Variants in MLF1 observed in about 807,000 individuals in gnomAD.
The protein encoded by MLF1 is myeloid leukemia factor 1.
MLF1 carries 37 observed loss-of-function variants against 38.3 expected under a neutral mutation model. The observed-to-expected ratio is 0.96, with a 90% CI of 0.74 to 1.27. The LOEUF (loss-of-function observed/expected upper bound fraction) is 1.27. MLF1 is among the 50% of genes most tolerant of loss of function. The pLI is 0.00. For missense variants in MLF1, 331 were observed against 349.2 expected (o/e 0.95, Z 0.42); for synonymous variants, 95 against 106.5 (o/e 0.89, Z 0.66).
chr3:158,601,397 G>A (rs1236957040), intron 6 of MLF1, among the ~76,000 whole-genome samples: 2 of 151,788 alleles, frequency 1.3e-5, no homozygotes, highest in East Asian at 1.9e-4. Context: ...GTGAAACCCC[G>A]TCTCTACTAA....
rs1720450101 is a variant in MLF1 at position 158,605,986 on chromosome 3, G to A, written c.*784G>A. ...CCAAGGTTAACATTCTGAAGCTGGA[G>A]AGTCCTTGGAGAAACTCTGCTCAGC... is the stretch of plus-strand genomic sequence containing the variant. On this transcript the variant is annotated 3_prime_UTR_variant, in exon 8 of 8. Transcript: ENST00000466246. The A allele has an allele frequency of 5.4e-6, 1 of 183,574 alleles. No homozygotes were observed. Among genetic ancestry groups the A allele is most frequent in the Non-Finnish European group, 1.2e-5 (1 of 86,416 alleles). 11.4% of individuals were successfully genotyped at this position (183,574 alleles called of 1,614,324 possible). A position where few individuals can be genotyped will look rare whatever the true frequency, so the allele number is the denominator to read the frequency against.
chr3:158,593,247 CAG>C (rs1235288581), intron 2 of MLF1, 133 bp from the exon 3 acceptor site: 5 of 604,818 alleles, frequency 8.3e-6, no homozygotes, highest in Non-Finnish European at 1.3e-5. Context: ...AACAAGCCCT[CAG>C]GGGTTTCTAT....
intron 1 of MLF1, among the ~76,000 whole-genome samples, chr3:158,579,562 A>G (rs1268196705): frequency 1.3e-5 from 2 of 152,190 alleles, no homozygotes; most frequent in East Asian, 3.8e-4. Flanking sequence ...AAACATTTAA[A>G]TATTCCCCTA....
intron 1 of MLF1, chr3:158,573,565 ACTTTGGC>A (rs1714913420): frequency 6.6e-6 from 1 of 151,990 alleles, no homozygotes; most frequent in East Asian, 1.9e-4. Context: ...CTTAATTCTA[ACTTTGGC>A]CATTGTTACA....
chr3:158,597,991 C>CT, intron 4 of MLF1, 89 bp from the exon 5 acceptor site: 1 of 1,358,454 alleles, frequency 7.4e-7, no homozygotes, highest in South Asian at 1.2e-5. Flanking sequence ...CTTAGTAGAA[C>CT]TTACAGCTAG....
At chr3:158,572,819 G>A (rs1176765516) in intron 1 of MLF1, among the ~76,000 whole-genome samples, 1 of 150,894 alleles carries the variant, frequency 6.6e-6, no homozygotes, top group Non-Finnish European at 1.5e-5. Flanking sequence ...GCAGGAGGAT[G>A]GTTGAGGACG....
intron 1 of MLF1, among the ~76,000 whole-genome samples, chr3:158,571,845 G>A (rs547580880): frequency 6.4e-4 from 15 of 23,288 alleles, no homozygotes; most frequent in African/African-American, 4.1e-3. Context: ...GTGAGGTGAG[G>A]GGAAGGGTTG....
chr3:158,583,693 A>G (rs1485384511), intron 1 of MLF1, among the ~76,000 whole-genome samples: 1 of 152,196 alleles, frequency 6.6e-6, no homozygotes, highest in East Asian at 1.9e-4. Flanking sequence ...CGTGGAAGTA[A>G]CTTTACTTTT....
chr3:158,580,090 G>A (rs1716093761), intron 1 of MLF1, among the ~76,000 whole-genome samples: 1 of 152,112 alleles, frequency 6.6e-6, no homozygotes, highest in Admixed American at 6.5e-5. Flanking sequence ...TAACTCATTT[G>A]TGCATTTTAG....
rs530043684 is a variant in MLF1, at chr3:158,578,691, A to G, written c.47+7344A>G. Among the ~76,000 whole-genome samples, 5 of 152,186 alleles carry G rather than the reference A, an allele frequency of 3.3e-5. No individual in the cohort carries two copies. In the East Asian group the frequency reaches 9.7e-4, roughly 29 times the overall value. On this transcript the variant is annotated intron_variant, in intron 1 of 7. Transcript: ENST00000466246. ...AATAGAAAAAGTACGTTTGAGACCA[A>G]AGTTTATTCAGTTTGGTTGTGGTTT...
intron 1 of MLF1, among the ~76,000 whole-genome samples, chr3:158,587,956 G>A (rs763056201): frequency 3.9e-5 from 6 of 152,244 alleles, no homozygotes; most frequent in East Asian, 1.9e-4. Context: ...AGCTGAGATC[G>A]TGCCACTGCA....
chr3:158,577,382 T>A (rs6792449), intron 1 of MLF1, among the ~76,000 whole-genome samples: 2 of 151,316 alleles, frequency 1.3e-5, no homozygotes, highest in Non-Finnish European at 3.0e-5. Flanking sequence ...GTAGAGTCTC[T>A]GCCAAATTGT....
intron 6 of MLF1, among the ~76,000 whole-genome samples, chr3:158,601,096 T>A (rs1378377954): frequency 6.6e-6 from 1 of 152,084 alleles, no homozygotes; most frequent in Non-Finnish European, 1.5e-5. Context: ...TTTTGAATAA[T>A]GTTTTTCCAT....
At chr3:158,603,817 T>G (rs1225322617) in intron 7 of MLF1, among the ~76,000 whole-genome samples, 1 of 152,082 alleles carries the variant, frequency 6.6e-6, no homozygotes, top group East Asian at 1.9e-4. Flanking sequence ...ACAGCCTGAG[T>G]GACAGAGCAA....
At position 158,571,226 on chromosome 3, in the gene MLF1, C is replaced by T. The variant is rs1714221180; in HGVS notation, c.-75C>T. ...GCGTCGTCCGTACTGGAGGCTAGCT[C>T]TTGTCGCGGCCGCGGCGAGTTAACA... is the stretch of plus-strand genomic sequence containing the variant. On this transcript the variant is annotated 5_prime_UTR_variant, in exon 1 of 8. Coordinates refer to ENST00000466246, the MANE Select transcript of MLF1 (RefSeq NM_001369783.1). The T allele has an allele frequency of 5.5e-6, 7 of 1,271,966 alleles. 1 individual carries two copies. Among genetic ancestry groups the T allele is most frequent in the Admixed American group, 5.2e-5 (3 of 58,002 alleles). The allele number at this position is 1,271,966 out of a possible 1,614,324, so 78.8% of individuals were successfully genotyped here. A position where few individuals can be genotyped will look rare whatever the true frequency, so the allele number is the denominator to read the frequency against.
rs188549135 is a variant in MLF1, at chr3:158,594,647, A to T, written c.240+1221A>T. Among the ~76,000 whole-genome samples the T allele has an allele frequency of 8.9e-4, 136 of 152,300 alleles. 1 individual carries two copies. Among genetic ancestry groups the T allele is most frequent in the East Asian group, 8.9e-3 (46 of 5,184 alleles). ...AGTGATGGCTTACTTCTACTAGGTA[A>T]TGTCTGTGGTGATAAAAATGAATTA... On this transcript the variant is annotated intron_variant, in intron 3 of 7. Coordinates refer to ENST00000466246, the MANE Select transcript of MLF1 (RefSeq NM_001369783.1).
intron 4 of MLF1, among the ~76,000 whole-genome samples, 193 bp from the exon 5 acceptor site, chr3:158,597,887 G>A (rs1719123700): frequency 6.6e-6 from 1 of 152,130 alleles, no homozygotes; most frequent in African/African-American, 2.4e-5. Flanking sequence ...CCCTCTAGGG[G>A]TGACTTTTTT....
At chr3:158,601,985 T>G (rs561355219) in intron 6 of MLF1, among the ~76,000 whole-genome samples, 1 of 151,624 alleles carries the variant, frequency 6.6e-6, no homozygotes, top group South Asian at 2.1e-4. Flanking sequence ...CCTGGCTAAT[T>G]TTTTCTATTT....
At chr3:158,588,649 A>G (rs1717678477) in intron 1 of MLF1, among the ~76,000 whole-genome samples, 1 of 151,778 alleles carries the variant, frequency 6.6e-6, no homozygotes, top group Admixed American at 6.6e-5. Context: ...CCCTCATTCT[A>G]AGTCATCAGT....
Sources: gnomAD v4.1 joint callset for allele counts (sites outside exome capture counted in the v4.1 genomes callset) on GRCh38, gnomAD v4.1.1 for gene constraint, MANE v1.5 for transcripts, NCBI Gene and HGNC (gene_info 2026-07-23, HGNC 2026-07-21) for gene names.